KMO: variants seen among roughly 807,000 people sequenced by gnomAD.
KMO encodes the protein kynurenine 3-monooxygenase, also known as kynurenine 3-hydroxylase.
In KMO, 24 loss-of-function variants were observed where a neutral mutation model predicts 57.8. That is an observed-to-expected ratio of 0.42 (90% CI 0.30 to 0.58). The LOEUF (loss-of-function observed/expected upper bound fraction) is 0.58. Ranked by LOEUF, KMO falls within the 20% of genes least tolerant of loss-of-function variation. The pLI, the probability that KMO is intolerant of heterozygous loss-of-function variation, is 0.22. For synonymous variants in KMO, 210 were observed against 193.6 expected (o/e 1.08, Z -0.70); for missense variants, 483 against 588.2 (o/e 0.82, Z 1.85).
At position 241,539,389 on chromosome 1, in the gene KMO, A is replaced by AAAAAAAAAAAAAAAC. The variant is rs920402236; in HGVS notation, c.54+6892_54+6893insAAAAAAAAAAAAACA. Among the ~76,000 whole-genome samples, 1,191 of 150,324 alleles carry AAAAAAAAAAAAAAAC rather than the reference A, an allele frequency of 7.9e-3. 19 individuals are homozygous for AAAAAAAAAAAAAAAC. Among genetic ancestry groups the AAAAAAAAAAAAAAAC allele is most frequent in the African/African-American group, 0.027 (1,108 of 40,562 alleles). On this transcript the variant is annotated intron_variant, in intron 1 of 14. Coordinates refer to ENST00000366559, the MANE Select transcript of KMO (RefSeq NM_003679.5). ...ACGGAGTGAGACTCCGTCTCAAAAA[A>AAAAAAAAAAAAAAAC]ATTCCAGAAAGCAGCAATAGCTACT...
chr1:241,576,574 G>A (rs1662527294), intron 10 of KMO, among the ~76,000 whole-genome samples: 1 of 152,122 alleles, frequency 6.6e-6, no homozygotes, highest in South Asian at 2.1e-4. Flanking sequence ...TAAGGAGGCT[G>A]AAGACAGGAC....
At chr1:241,585,572 A>G (rs1225092001) in intron 10 of KMO, among the ~76,000 whole-genome samples, 1 of 152,068 alleles carries the variant, frequency 6.6e-6, no homozygotes, top group Non-Finnish European at 1.5e-5. Flanking sequence ...AGTCTGGCCA[A>G]TGTGGTGAAA....
chr1:241,538,429 A>G (rs1300352258), intron 1 of KMO, among the ~76,000 whole-genome samples: 2 of 152,354 alleles, frequency 1.3e-5, no homozygotes, highest in East Asian at 3.9e-4. Flanking sequence ...ACAAAAACAA[A>G]AACAAAAACT....
intron 11 of KMO, among the ~76,000 whole-genome samples, chr1:241,586,939 T>C (rs1175737732): frequency 6.6e-6 from 1 of 152,206 alleles, no homozygotes; most frequent in East Asian, 1.9e-4. Context: ...TAGTTTCTTT[T>C]GAAGTTTCTA....
chr1:241,536,778 G>T (rs1265900051), intron 1 of KMO, among the ~76,000 whole-genome samples: 1 of 152,154 alleles, frequency 6.6e-6, no homozygotes, highest in African/African-American at 2.4e-5. Flanking sequence ...GTAGTATTTA[G>T]AGGGTGAGGA....
At chr1:241,553,404 G>T in intron 4 of KMO, among the ~76,000 whole-genome samples, 1 of 152,186 alleles carries the variant, frequency 6.6e-6, no homozygotes, top group East Asian at 1.9e-4. Context: ...TTCATAATTT[G>T]GGCCAAGCAC....
chr1:241,545,145 C>T (rs569873830), intron 1 of KMO, among the ~76,000 whole-genome samples: 1 of 152,088 alleles, frequency 6.6e-6, no homozygotes, highest in Non-Finnish European at 1.5e-5. Flanking sequence ...ATTATTTATA[C>T]ACTGAACAAA....
intron 14 of KMO, 103 bp downstream of exon 14, chr1:241,590,366 A>G (rs1258403113): frequency 3.2e-6 from 3 of 941,280 alleles, no homozygotes; most frequent in Non-Finnish European, 5.0e-6. Flanking sequence ...AATGGGACAG[A>G]CACCAACTGT....
chr1:241,543,537 T>G (rs1052938656), intron 1 of KMO, among the ~76,000 whole-genome samples: 1 of 152,174 alleles, frequency 6.6e-6, no homozygotes, highest in African/African-American at 2.4e-5. Flanking sequence ...ATTCCCCGCT[T>G]TTTTGTTTGT....
chr1:241,582,188 G>T (rs1662779257), intron 10 of KMO, among the ~76,000 whole-genome samples: 1 of 151,996 alleles, frequency 6.6e-6, no homozygotes. Flanking sequence ...GTTGCTTTCA[G>T]GATCCTTTCT....
At position 241,578,132 on chromosome 1, in the gene KMO, G is replaced by C. The variant is rs1662601573; in HGVS notation, c.958-8547G>C. 2.0e-5 allele frequency among the ~76,000 whole-genome samples: 3 copies of C among 152,166 alleles called. No homozygotes were observed. The South Asian group carries it at 6.2e-4, about 31-fold the overall frequency. On this transcript the variant is annotated intron_variant, in intron 10 of 14. Transcript: ENST00000366559. ...CACCCTGAAGTGTTCCTGAATGGCT[G>C]TCTATAGGCCACCCTTACCAAACTT...
chr1:241,593,579 G>A lies in KMO; in HGVS notation c.*1426G>A. The A allele has an allele frequency of 4.3e-6, 1 of 233,584 alleles. No homozygotes were observed. Among genetic ancestry groups the A allele is most frequent in the Non-Finnish European group, 9.4e-6 (1 of 106,112 alleles). The allele number at this position is 233,584 out of a possible 1,614,324, so 14.5% of individuals were successfully genotyped here. A position where few individuals can be genotyped will look rare whatever the true frequency, so the allele number is the denominator to read the frequency against. On this transcript the variant is annotated 3_prime_UTR_variant, in exon 15 of 15. Coordinates refer to ENST00000366559, the MANE Select transcript of KMO (RefSeq NM_003679.5). ...CTACCCACTTTAGGTTCCTTGGCTG[G>A]GGCCCCTATAACAAAAGACAGATTG...
At chr1:241,565,873 G>A (rs935650595) in intron 8 of KMO, among the ~76,000 whole-genome samples, 3 of 152,066 alleles carry the variant, frequency 2.0e-5, no homozygotes, top group African/African-American at 7.2e-5. Context: ...CTAAAAGGAA[G>A]AAAAAGAGAT....
intron 10 of KMO, among the ~76,000 whole-genome samples, chr1:241,571,698 A>G (rs4660104): frequency 0.33 from 50,500 of 151,648 alleles, 8,785 homozygotes; most frequent in East Asian, 0.44. Context: ...CATTTTGTTG[A>G]TAATCTTTGC....
In KMO at chr1:241,568,908, C is replaced by G. The variant is rs1005637011; in HGVS notation, c.957+261C>G. Among the ~76,000 whole-genome samples the G allele has an allele frequency of 3.3e-5, 5 of 152,180 alleles. No individual in the cohort carries two copies. The East Asian group carries it at 9.7e-4, about 29-fold the overall frequency. On this transcript the variant is annotated intron_variant, in intron 10 of 14. Transcript: ENST00000366559. ...TATCACCAAGGGATCAGCTCCAGGA[C>G]CCCTGTGGATACAAAAATCCATGGA...
intron 10 of KMO, among the ~76,000 whole-genome samples, chr1:241,573,171 G>A (rs756788625): frequency 1.3e-5 from 2 of 152,002 alleles, no homozygotes; most frequent in African/African-American, 4.8e-5. Context: ...GCTAATTTTT[G>A]TAGAGACGTT....
intron 1 of KMO, among the ~76,000 whole-genome samples, chr1:241,548,047 C>G (rs899844394): frequency 6.7e-6 from 1 of 149,814 alleles, no homozygotes; most frequent in Non-Finnish European, 1.5e-5. Flanking sequence ...AAATGAATCC[C>G]ACAATGTTGC....
chr1:241,570,436 T>C (rs566110331), intron 10 of KMO, among the ~76,000 whole-genome samples: 2 of 152,126 alleles, frequency 1.3e-5, no homozygotes, highest in Non-Finnish European at 2.9e-5. Flanking sequence ...TTTAATCCAC[T>C]TTCATTTTAT....
rs1663335290 is a variant in KMO, at chr1:241,592,227, G to C, written c.*74G>C. 5.4e-6 allele frequency: 6 copies of C among 1,102,114 alleles called. No individual in the cohort carries two copies. The highest frequency in any genetic ancestry group is 2.5e-5 in the East Asian group (1 of 40,018). 68.3% of individuals were successfully genotyped at this position (1,102,114 alleles called of 1,614,324 possible). On this transcript the variant is annotated 3_prime_UTR_variant, in exon 15 of 15. Transcript: ENST00000366559. ...TAAGCATGAAAAAAATGTTTCCATT[G>C]CCATATTTGATTCACTAGTGGAAGA...
Sources: allele counts gnomAD v4.1 joint callset (sites outside exome capture counted in the v4.1 genomes callset), GRCh38; gene constraint gnomAD v4.1.1; transcripts MANE v1.5; gene names NCBI Gene and HGNC (gene_info 2026-07-23, HGNC 2026-07-21).